PLPPR1: variants seen among roughly 807,000 people sequenced by gnomAD.
PLPPR1 encodes phospholipid phosphatase related 1, also known as phospholipid phosphatase-related protein type 1.
In PLPPR1, 10 loss-of-function variants were observed where a neutral mutation model predicts 33.1. The observed-to-expected ratio is 0.30, with a 90% CI of 0.19 to 0.51. The LOEUF is 0.51. PLPPR1 is among the 20% of genes least tolerant of loss of function. The pLI, the probability that PLPPR1 is intolerant of heterozygous loss-of-function variation, is 0.97. For synonymous variants in PLPPR1, 151 were observed against 151.0 expected, an observed-to-expected ratio of 1.00 and a Z score of 0.00; for missense variants, 304 against 408.1, an observed-to-expected ratio of 0.74 and a Z score of 2.20.
intron 1 of PLPPR1, among the ~76,000 whole-genome samples, chr9:101,147,176 CAG>C: frequency 6.6e-6 from 1 of 152,222 alleles, no homozygotes; most frequent in Non-Finnish European, 1.5e-5. Flanking sequence ...CTCTGTGGCT[CAG>C]AGCAGAATTC....
At chr9:101,050,248 G>T (rs1205916682) in intron 1 of PLPPR1, among the ~76,000 whole-genome samples, 1 of 151,520 alleles carries the variant, frequency 6.6e-6, no homozygotes, top group African/African-American at 2.4e-5. Context: ...GTGATTCTGT[G>T]AGTTCCAAAT....
chr9:101,315,082 A>T (rs1829028429), intron 6 of PLPPR1, among the ~76,000 whole-genome samples: 1 of 152,170 alleles, frequency 6.6e-6, no homozygotes, highest in African/African-American at 2.4e-5. Context: ...ATCACCTCAA[A>T]TACTGTTACT....
intron 2 of PLPPR1, among the ~76,000 whole-genome samples, chr9:101,260,606 G>C (rs77350172): frequency 0.018 from 2,757 of 152,272 alleles, 34 homozygotes; most frequent in Middle Eastern, 0.082. Flanking sequence ...CCAGGATAGG[G>C]AACTCAAGAG....
intron 4 of PLPPR1, among the ~76,000 whole-genome samples, chr9:101,295,080 G>A (rs1026447417): frequency 3.9e-5 from 6 of 152,116 alleles, no homozygotes; most frequent in African/African-American, 7.2e-5. Context: ...ATCTCCTTAA[G>A]CTGATAAGCA....
chr9:101,072,656 A>G (rs1337494108), intron 1 of PLPPR1, among the ~76,000 whole-genome samples: 1 of 152,186 alleles, frequency 6.6e-6, no homozygotes, highest in Non-Finnish European at 1.5e-5. Flanking sequence ...TGGGCATGGG[A>G]TGTAGGGTAG....
intron 2 of PLPPR1, among the ~76,000 whole-genome samples, chr9:101,210,969 A>G (rs1003091866): frequency 7.2e-5 from 11 of 152,100 alleles, no homozygotes; most frequent in African/African-American, 2.4e-4. Context: ...GGGTTTCACC[A>G]TGTTAGCCAG....
In PLPPR1 at chr9:101,309,308, G is replaced by A; in HGVS notation, c.483G>A (p.Lys161=). ...CGCCATACTTCCTGACTGTGTGCAA[G>A]CCAAACTACACCAGTGCAGACTGCC... ...HLTPYFLTVC[K]PNYTSADCQA... Residue 161 remains lysine, a synonymous_variant, in exon 5 of 8, where the codon AAG becomes AAA. Coordinates refer to ENST00000374874, the MANE Select transcript of PLPPR1 (RefSeq NM_207299.2). The A allele has an allele frequency of 6.2e-7, 1 of 1,614,148 alleles. No individual in the cohort carries two copies. The highest frequency in any genetic ancestry group is 8.5e-7 in the Non-Finnish European group (1 of 1,180,034).
At chr9:101,210,085 T>A (rs955373950) in intron 2 of PLPPR1, among the ~76,000 whole-genome samples, 11 of 152,272 alleles carry the variant, frequency 7.2e-5, no homozygotes, top group Non-Finnish European at 1.2e-4. Flanking sequence ...TACATTTTTT[T>A]ATGTCCTGAT....
intron 1 of PLPPR1, among the ~76,000 whole-genome samples, chr9:101,091,200 A>G (rs1017267629): frequency 6.6e-6 from 1 of 152,032 alleles, no homozygotes; most frequent in Admixed American, 6.6e-5. Flanking sequence ...CCTTACAGAA[A>G]CACCATCTCA....
At chr9:101,249,931 T>A (rs1275637184) in intron 2 of PLPPR1, among the ~76,000 whole-genome samples, 1 of 152,094 alleles carries the variant, frequency 6.6e-6, no homozygotes, top group Non-Finnish European at 1.5e-5. Context: ...ATGATTGCTT[T>A]CCTTTCTCTA....
At chr9:101,305,216 T>TGC (rs140121086) in intron 4 of PLPPR1, among the ~76,000 whole-genome samples, 4,623 of 152,164 alleles carry the variant, frequency 0.03, 243 homozygotes, top group African/African-American at 0.11. Flanking sequence ...TGTGTGTGTG[T>TGC]GTGCGTGCAT....
chr9:101,207,494 T>G (rs531924404), intron 2 of PLPPR1, among the ~76,000 whole-genome samples: 3 of 152,300 alleles, frequency 2.0e-5, no homozygotes, highest in South Asian at 4.1e-4. Context: ...AGAGCCCAGA[T>G]GCATTTTTTT....
intron 2 of PLPPR1, among the ~76,000 whole-genome samples, chr9:101,268,285 A>T (rs1398379594): frequency 2.6e-5 from 4 of 152,108 alleles, no homozygotes; most frequent in Non-Finnish European, 4.4e-5. Context: ...GATGTGAAAA[A>T]AAAAAAGAAA....
chr9:101,118,411 A>G (rs2118589099), intron 1 of PLPPR1, among the ~76,000 whole-genome samples: 1 of 152,212 alleles, frequency 6.6e-6, no homozygotes, highest in East Asian at 1.9e-4. Context: ...AAATCAAACA[A>G]GAGGTGACGA....
intron 1 of PLPPR1, among the ~76,000 whole-genome samples, chr9:101,154,169 C>G (rs1831641281): frequency 6.6e-6 from 1 of 152,202 alleles, no homozygotes; most frequent in Non-Finnish European, 1.5e-5. Context: ...GTCTAAAATT[C>G]TCTTTTTTTG....
chr9:101,036,417 G>T (rs1338199948), intron 1 of PLPPR1, among the ~76,000 whole-genome samples: 1 of 152,100 alleles, frequency 6.6e-6, no homozygotes, highest in Non-Finnish European at 1.5e-5. Context: ...CTATCTGCCT[G>T]TCATCTCTCT....
At chr9:101,035,443 A>AC (rs1187237202) in intron 1 of PLPPR1, among the ~76,000 whole-genome samples, 1 of 152,080 alleles carries the variant, frequency 6.6e-6, no homozygotes, top group Non-Finnish European at 1.5e-5. Flanking sequence ...TCTTACAGTT[A>AC]CCCCCATGAG....
At chr9:101,170,790 G>C (rs1825931788) in intron 1 of PLPPR1, among the ~76,000 whole-genome samples, 1 of 151,954 alleles carries the variant, frequency 6.6e-6, no homozygotes, top group African/African-American at 2.4e-5. Flanking sequence ...TTTTAAAAAG[G>C]ATAGCTAGGC....
intron 1 of PLPPR1, among the ~76,000 whole-genome samples, chr9:101,137,590 C>T (rs1311373596): frequency 6.6e-6 from 1 of 152,090 alleles, no homozygotes; most frequent in Non-Finnish European, 1.5e-5. Context: ...CTTTCATTTG[C>T]CTCCTTAGTT....
Sources: allele counts gnomAD v4.1 joint callset (sites outside exome capture counted in the v4.1 genomes callset), GRCh38; gene constraint gnomAD v4.1.1; transcripts MANE v1.5; gene names NCBI Gene and HGNC (gene_info 2026-07-23, HGNC 2026-07-21).